The following SDK1 variants were observed in gnomAD, a reference collection of about 807,000 sequenced individuals.
SDK1 encodes sidekick cell adhesion molecule 1, also known as protein sidekick-1.
A neutral mutation model predicts 245.5 loss-of-function variants in SDK1; 157 were observed. The observed-to-expected ratio is 0.64, with a 90% CI of 0.56 to 0.73. The LOEUF (loss-of-function observed/expected upper bound fraction) is 0.73, where lower values mean the gene tolerates loss of function less well. Ranked by LOEUF, SDK1 falls within the 30% of genes least tolerant of loss-of-function variation. The pLI, the probability that SDK1 is intolerant of heterozygous loss-of-function variation, is 0.00. For synonymous variants in SDK1, 1,647 were observed against 1,278.5 expected, an observed-to-expected ratio of 1.29 and a Z score of -6.15; for missense variants, 3,583 against 3,002.3, an observed-to-expected ratio of 1.19 and a Z score of -4.52.
intron 4 of SDK1, among the ~76,000 whole-genome samples, chr7:3,767,823 C>CA (rs1282862269): frequency 1.3e-5 from 2 of 151,588 alleles, no homozygotes; most frequent in Non-Finnish European, 2.9e-5. Flanking sequence ...TGGAAGGAAA[C>CA]AAAAAAAATA....
At chr7:3,475,187 C>G (rs757381002) in intron 1 of SDK1, among the ~76,000 whole-genome samples, 1 of 152,212 alleles carries the variant, frequency 6.6e-6, no homozygotes, top group East Asian at 1.9e-4. Flanking sequence ...GTTCCAGGGT[C>G]TGGAACCTGA....
At chr7:3,701,946 G>GAAA (rs1190012386) in intron 4 of SDK1, among the ~76,000 whole-genome samples, 1 of 118,168 alleles carries the variant, frequency 8.5e-6, no homozygotes, top group Non-Finnish European at 1.8e-5. Context: ...AAAAAAAAAA[G>GAAA]AAAAAAGAAA....
chr7:3,898,374 C>T (rs1239197246), intron 5 of SDK1, among the ~76,000 whole-genome samples: 1 of 152,174 alleles, frequency 6.6e-6, no homozygotes. Flanking sequence ...TACAATGTCA[C>T]ATCATGATGC....
chr7:3,766,993 A>G (rs1780273879), intron 4 of SDK1, among the ~76,000 whole-genome samples: 1 of 152,214 alleles, frequency 6.6e-6, no homozygotes, highest in Admixed American at 6.5e-5. Flanking sequence ...TGGATTTGGA[A>G]ATTAGGAGCA....
chr7:3,955,417 C>T (rs1371504156), intron 7 of SDK1, among the ~76,000 whole-genome samples: 2 of 152,200 alleles, frequency 1.3e-5, no homozygotes, highest in Non-Finnish European at 2.9e-5. Flanking sequence ...ATTGGGCCCA[C>T]CCAGCGAATC....
At chr7:3,499,547 A>G (rs1782129816) in intron 1 of SDK1, among the ~76,000 whole-genome samples, 1 of 152,196 alleles carries the variant, frequency 6.6e-6, no homozygotes, top group Non-Finnish European at 1.5e-5. Flanking sequence ...TCAGAGGTAA[A>G]CACGTCAGGT....
rs139495769 is a variant in SDK1, at chr7:3,811,748, C to T, written c.714-9702C>T. Among the ~76,000 whole-genome samples the T allele has an allele frequency of 1.7e-4, 26 of 152,270 alleles. No homozygotes were observed. In the East Asian group the frequency reaches 4.8e-3, roughly 28 times the overall value. On this transcript the variant is annotated intron_variant, in intron 4 of 44. Coordinates refer to ENST00000404826, the MANE Select transcript of SDK1 (RefSeq NM_152744.4). ...CCGGCCAGAGCTCCGGTGGAAGGCACGTGGGTAGATGGTCAGCAGGGATGG... is the reference window on the plus strand; with the variant it reads ...CCGGCCAGAGCTCCGGTGGAAGGCATGTGGGTAGATGGTCAGCAGGGATGG...
chr7:4,268,728 C>T lies in SDK1; in HGVS notation c.*3344C>T, dbSNP rs11981816. 9.7e-3 allele frequency: 13,331 copies of T among 1,367,766 alleles called. 1,055 individuals are homozygous for T. In the African/African-American group the frequency reaches 0.18, roughly 18 times the overall value. The allele number at this position is 1,367,766 out of a possible 1,614,324, so 84.7% of individuals were successfully genotyped here. On this transcript the variant is annotated 3_prime_UTR_variant, in exon 45 of 45. Coordinates refer to ENST00000404826, the MANE Select transcript of SDK1 (RefSeq NM_152744.4). ...CCGTCTGCGTACCTAAGTGTGGCTC[C>T]CCGTGGGTCAGCGTCCTGGTAGCAT...
At chr7:3,838,091 A>G (rs1780066486) in intron 5 of SDK1, among the ~76,000 whole-genome samples, 1 of 152,220 alleles carries the variant, frequency 6.6e-6, no homozygotes, top group Admixed American at 6.5e-5. Flanking sequence ...CTTAGCAAGT[A>G]TAGCCGCTTA....
rs10272877 is a variant in SDK1, at chr7:4,023,242, C to T, written c.2602+5890C>T. Among the ~76,000 whole-genome samples the T allele has an allele frequency of 7.0e-3, 1,073 of 152,294 alleles. 15 individuals are homozygous for T. Among genetic ancestry groups the T allele is most frequent in the African/African-American group, 0.024 (1,018 of 41,552 alleles). On this transcript the variant is annotated intron_variant, in intron 17 of 44. Coordinates refer to ENST00000404826, the MANE Select transcript of SDK1 (RefSeq NM_152744.4). Reference sequence around the variant, plus strand: ...GACTTTTCTTATCCCCCTTCATCCACCATCCCCCATTATCTTGTCGGCCAA... The same window carrying T: ...GACTTTTCTTATCCCCCTTCATCCATCATCCCCCATTATCTTGTCGGCCAA...
intron 4 of SDK1, among the ~76,000 whole-genome samples, chr7:3,790,714 G>C (rs1781054574): frequency 6.6e-6 from 1 of 152,166 alleles, no homozygotes; most frequent in South Asian, 2.1e-4. Flanking sequence ...ACTGAGGCAG[G>C]AGAATTGCTT....
intron 4 of SDK1, among the ~76,000 whole-genome samples, chr7:3,771,003 G>T (rs1255652889): frequency 1.3e-5 from 2 of 152,126 alleles, no homozygotes; most frequent in African/African-American, 4.8e-5. Context: ...CTCTGAATTG[G>T]CTGGGTGTTT....
intron 1 of SDK1, among the ~76,000 whole-genome samples, chr7:3,478,491 TTAAA>T (rs1452067918): frequency 6.6e-6 from 1 of 152,054 alleles, no homozygotes; most frequent in African/African-American, 2.4e-5. Context: ...CATATTCTCT[TTAAA>T]TATATTCAAC....
chr7:3,795,328 C>A (rs184159669), intron 4 of SDK1, among the ~76,000 whole-genome samples: 78 of 152,182 alleles, frequency 5.1e-4, no homozygotes, highest in African/African-American at 1.7e-3. Flanking sequence ...GCATGGCAGG[C>A]CCCACGAGAC....
At chr7:4,047,595 G>C (rs1054980947) in intron 17 of SDK1, among the ~76,000 whole-genome samples, 4 of 152,162 alleles carry the variant, frequency 2.6e-5, no homozygotes, top group African/African-American at 9.7e-5. Context: ...GTGTGTCTGC[G>C]CTCCCAAAGC....
chr7:3,972,538 A>T (rs1023476629), intron 12 of SDK1, among the ~76,000 whole-genome samples: 1 of 152,182 alleles, frequency 6.6e-6, no homozygotes, highest in African/African-American at 2.4e-5. Flanking sequence ...GGATAATTTT[A>T]AATTTTTGGA....
At chr7:3,714,081 C>T (rs954770000) in intron 4 of SDK1, among the ~76,000 whole-genome samples, 1 of 152,100 alleles carries the variant, frequency 6.6e-6, no homozygotes, top group African/African-American at 2.4e-5. Flanking sequence ...GGCTGCCTGA[C>T]AGCAAAGGAG....
intron 1 of SDK1, among the ~76,000 whole-genome samples, chr7:3,570,023 A>G (rs1274837040): frequency 6.6e-6 from 1 of 152,072 alleles, no homozygotes; most frequent in East Asian, 1.9e-4. Context: ...TATAATTCTA[A>G]ATCACACACA....
At chr7:3,456,059 C>T (rs1780655328) in intron 1 of SDK1, among the ~76,000 whole-genome samples, 1 of 152,112 alleles carries the variant, frequency 6.6e-6, no homozygotes, top group South Asian at 2.1e-4. Context: ...GTGTTGAAAA[C>T]CTTCTGGTCT....
Sources: allele counts gnomAD v4.1 joint callset (sites outside exome capture counted in the v4.1 genomes callset), GRCh38; gene constraint gnomAD v4.1.1; transcripts MANE v1.5; gene names NCBI Gene and HGNC (gene_info 2026-07-23, HGNC 2026-07-21).